TRPM3: variants seen among roughly 807,000 people sequenced by gnomAD.
TRPM3 encodes transient receptor potential cation channel subfamily M member 3.
In TRPM3, 77 loss-of-function variants were observed where a neutral mutation model predicts 181.2. That is an observed-to-expected ratio of 0.42 (90% CI 0.35 to 0.51). The LOEUF (loss-of-function observed/expected upper bound fraction) is 0.51. Ranked by LOEUF, TRPM3 falls within the 20% of genes least tolerant of loss-of-function variation. The pLI, the probability that TRPM3 is intolerant of heterozygous loss-of-function variation, is 0.01. For synonymous variants in TRPM3, 745 were observed against 796.4 expected (o/e 0.94, Z 1.09); for missense variants, 1,759 against 2,196.7 (o/e 0.80, Z 3.98).
intron 1 of TRPM3, among the ~76,000 whole-genome samples, chr9:70,951,658 A>G (rs1000468797): frequency 1.3e-5 from 2 of 152,134 alleles, no homozygotes; most frequent in East Asian, 3.9e-4. Flanking sequence ...ATGAATCCTT[A>G]AGAATTTGAG....
chr9:70,811,411 A>G (rs575019044), intron 6 of TRPM3, among the ~76,000 whole-genome samples: 1 of 152,282 alleles, frequency 6.6e-6, no homozygotes, highest in East Asian at 1.9e-4. Flanking sequence ...CACCAGCTAT[A>G]TCTTGTCTTA....
chr9:71,024,256 T>C (rs1478809169), intron 1 of TRPM3, among the ~76,000 whole-genome samples: 1 of 152,202 alleles, frequency 6.6e-6, no homozygotes, highest in Non-Finnish European at 1.5e-5. Flanking sequence ...TATACATGTG[T>C]ATGTATATAC....
At chr9:70,772,539 T>C (rs999340814) in intron 7 of TRPM3, among the ~76,000 whole-genome samples, 17 of 152,034 alleles carry the variant, frequency 1.1e-4, no homozygotes, top group African/African-American at 4.1e-4. Context: ...CCCAGGCTGG[T>C]CTCGAACTCC....
At chr9:71,197,376 G>A (rs2078452365) in intron 1 of TRPM3, among the ~76,000 whole-genome samples, 1 of 152,120 alleles carries the variant, frequency 6.6e-6, no homozygotes, top group South Asian at 2.1e-4. Flanking sequence ...AGTCCTTTGG[G>A]TATATACCCA....
chr9:71,373,846 T>G (rs1489460141), intron 1 of TRPM3, among the ~76,000 whole-genome samples: 2 of 152,038 alleles, frequency 1.3e-5, no homozygotes, highest in African/African-American at 2.4e-5. Context: ...CAGGCCAATA[T>G]CCTTGATGAA....
At chr9:70,783,237 G>A (rs986195703) in intron 7 of TRPM3, among the ~76,000 whole-genome samples, 1 of 152,124 alleles carries the variant, frequency 6.6e-6, no homozygotes, top group African/African-American at 2.4e-5. Context: ...TAAAAGGCAT[G>A]AATAAAAGAC....
intron 8 of TRPM3, among the ~76,000 whole-genome samples, chr9:70,747,898 G>A (rs2075461882): frequency 6.6e-6 from 1 of 152,048 alleles, no homozygotes; most frequent in African/African-American, 2.4e-5. Flanking sequence ...AAATGCAGGA[G>A]CCAGGGGAAA....
chr9:71,201,126 C>G (rs1479703083), intron 1 of TRPM3, among the ~76,000 whole-genome samples: 1 of 151,560 alleles, frequency 6.6e-6, no homozygotes, highest in Non-Finnish European at 1.5e-5. Context: ...TTCTCCTTCA[C>G]TTATGAAGCT....
intron 9 of TRPM3, among the ~76,000 whole-genome samples, chr9:70,650,383 T>C (rs2059454229): frequency 6.6e-6 from 1 of 152,210 alleles, no homozygotes; most frequent in South Asian, 2.1e-4. Context: ...CTTGGTCATT[T>C]TGCCTGGAGG....
chr9:70,585,350 G>A (rs952098149), intron 22 of TRPM3, among the ~76,000 whole-genome samples: 7 of 151,858 alleles, frequency 4.6e-5, no homozygotes, highest in Admixed American at 6.6e-5. Context: ...ACTTGTGCCC[G>A]CTGGTAAGCT....
intron 5 of TRPM3, among the ~76,000 whole-genome samples, chr9:70,828,588 A>G (rs1183663021): frequency 1.3e-5 from 2 of 152,110 alleles, no homozygotes; most frequent in Non-Finnish European, 2.9e-5. Context: ...CATGAGATAG[A>G]TATGAATCAG....
intron 1 of TRPM3, among the ~76,000 whole-genome samples, chr9:71,393,098 T>C (rs1321973815): frequency 1.3e-5 from 2 of 152,082 alleles, no homozygotes; most frequent in Non-Finnish European, 2.9e-5. Context: ...ATGTGGAAAA[T>C]GTCTGGGCAG....
At chr9:70,986,601 T>C (rs891197730) in intron 1 of TRPM3, among the ~76,000 whole-genome samples, 1 of 152,160 alleles carries the variant, frequency 6.6e-6, no homozygotes, top group Non-Finnish European at 1.5e-5. Flanking sequence ...CCCAGAGACC[T>C]ATGGGGACTG....
chr9:70,846,649 A>T (rs1589180247), intron 3 of TRPM3, 58 bp from the exon 4 acceptor site: 2 of 1,396,198 alleles, frequency 1.4e-6, no homozygotes, highest in South Asian at 1.2e-5. Context: ...GAGGCTGGTT[A>T]TCTTTACTGA....
chr9:71,098,722 T>C (rs1470364472), intron 1 of TRPM3, among the ~76,000 whole-genome samples: 1 of 152,192 alleles, frequency 6.6e-6, no homozygotes, highest in Non-Finnish European at 1.5e-5. Flanking sequence ...TGTATGGATA[T>C]AATTGTAGCA....
chr9:70,757,387 C>A lies in TRPM3; in HGVS notation c.1272+4214G>T, dbSNP rs559525998. Among the ~76,000 whole-genome samples, 137 of 152,242 alleles carry A rather than the reference C, an allele frequency of 9.0e-4. 1 individual carries two copies. The highest frequency in any genetic ancestry group is 3.2e-3 in the African/African-American group (134 of 41,526). ...AGCCCAGGGCCAGATGAATTCACAG[C>A]CAAATTCTACCAGAGGTACAAAGAG... On this transcript the variant is annotated intron_variant, in intron 8 of 25. Transcript: ENST00000677713.
chr9:70,897,160 C>T (rs28541272), intron 1 of TRPM3, among the ~76,000 whole-genome samples: 6,854 of 139,456 alleles, frequency 0.049, 344 homozygotes, highest in African/African-American at 0.13. Context: ...TGTAGTTGCC[C>T]CACTCTGCTA....
intron 1 of TRPM3, among the ~76,000 whole-genome samples, chr9:70,965,794 T>C (rs547709584): frequency 2.6e-5 from 4 of 152,164 alleles, no homozygotes; most frequent in Admixed American, 1.3e-4. Flanking sequence ...ATCAGGATGA[T>C]GCTGGACTCA....
At chr9:70,641,449 G>T (rs1793792656) in intron 9 of TRPM3, among the ~76,000 whole-genome samples, 1 of 152,146 alleles carries the variant, frequency 6.6e-6, no homozygotes, top group South Asian at 2.1e-4. Context: ...CTGAAAAAGA[G>T]TTAGGAAGGT....
Sources: allele counts gnomAD v4.1 joint callset (sites outside exome capture counted in the v4.1 genomes callset), GRCh38; gene constraint gnomAD v4.1.1; transcripts MANE v1.5; gene names NCBI Gene and HGNC (gene_info 2026-07-23, HGNC 2026-07-21).